CDH13: variants seen among roughly 807,000 people sequenced by gnomAD.
CDH13 encodes cadherin-13.
Under a neutral mutation model 63.8 loss-of-function variants are expected in CDH13, and 24 were observed. That is an observed-to-expected ratio of 0.38 (90% CI 0.27 to 0.53). The LOEUF (loss-of-function observed/expected upper bound fraction) is 0.53. Among genes scored for constraint, CDH13 ranks in the 20% least tolerant of loss-of-function variants. The pLI is 0.85. For missense variants in CDH13, 1,049 were observed against 903.1 expected (o/e 1.16, Z -2.07); for synonymous variants, 503 against 355.3 (o/e 1.42, Z -4.67).
intron 6 of CDH13, among the ~76,000 whole-genome samples, chr16:83,376,538 T>G (rs570995952): frequency 6.6e-6 from 1 of 152,222 alleles, no homozygotes; most frequent in South Asian, 2.1e-4. Flanking sequence ...ATGGACACAT[T>G]TTCATTAGAA....
chr16:82,773,919 GA>G (rs1231325048), intron 1 of CDH13, among the ~76,000 whole-genome samples: 1 of 151,926 alleles, frequency 6.6e-6, no homozygotes, highest in Admixed American at 6.6e-5. Flanking sequence ...AAGTAGCTGG[GA>G]TTACAGCCAC....
At chr16:83,679,893 A>T (rs566477616) in intron 10 of CDH13, among the ~76,000 whole-genome samples, 27 of 152,276 alleles carry the variant, frequency 1.8e-4, no homozygotes, top group South Asian at 8.3e-4. Flanking sequence ...ACAACTTGGG[A>T]TGCTGCCAGT....
At chr16:82,735,559 C>G (rs1295062193) in intron 1 of CDH13, among the ~76,000 whole-genome samples, 1 of 152,146 alleles carries the variant, frequency 6.6e-6, no homozygotes, top group Non-Finnish European at 1.5e-5. Flanking sequence ...TCCAATCTGA[C>G]AGAGTACTAT....
At chr16:82,716,475 C>T (rs2151014979) in intron 1 of CDH13, among the ~76,000 whole-genome samples, 1 of 151,412 alleles carries the variant, frequency 6.6e-6, no homozygotes, top group East Asian at 1.9e-4. Context: ...AAAAGAAAAT[C>T]CAGAAGGGAG....
At chr16:82,642,091 C>G (rs1283015670) in intron 1 of CDH13, among the ~76,000 whole-genome samples, 8 of 110,470 alleles carry the variant, frequency 7.2e-5, no homozygotes, top group African/African-American at 1.4e-4. Flanking sequence ...TCATGGAGGG[C>G]AAAAAAAAAA....
intron 7 of CDH13, among the ~76,000 whole-genome samples, chr16:83,526,441 T>C (rs1188493274): frequency 6.6e-6 from 1 of 152,174 alleles, no homozygotes. Context: ...GCATTAGTTC[T>C]TTAGATTCTC....
chr16:83,408,261 C>G (rs1305289866), intron 6 of CDH13, among the ~76,000 whole-genome samples: 2 of 152,192 alleles, frequency 1.3e-5, no homozygotes, highest in East Asian at 1.9e-4. Flanking sequence ...ACTGGGAACA[C>G]TGCACACACA....
chr16:83,330,558 G>A (rs2090458583), intron 5 of CDH13, among the ~76,000 whole-genome samples: 1 of 152,164 alleles, frequency 6.6e-6, no homozygotes, highest in African/African-American at 2.4e-5. Flanking sequence ...GGTCCCAAGG[G>A]ACATGGCATC....
chr16:82,743,408 T>G (rs943053897), intron 1 of CDH13, among the ~76,000 whole-genome samples: 3 of 152,086 alleles, frequency 2.0e-5, no homozygotes, highest in African/African-American at 7.2e-5. Flanking sequence ...TTGCATTTTT[T>G]TGTAGTGACA....
intron 7 of CDH13, among the ~76,000 whole-genome samples, chr16:83,512,370 A>AAAAT (rs1555564558): frequency 3.0e-5 from 4 of 133,252 alleles, no homozygotes; most frequent in African/African-American, 1.1e-4. Context: ...ATAAATAAAT[A>AAAAT]AAATAAAAAT....
intron 3 of CDH13, among the ~76,000 whole-genome samples, chr16:83,055,958 A>G (rs4783316): frequency 0.51 from 77,474 of 152,018 alleles, 21,722 homozygotes; most frequent in Middle Eastern, 0.64. Context: ...ATATGGGTCT[A>G]TTACAGGACA....
intron 5 of CDH13, among the ~76,000 whole-genome samples, chr16:83,297,733 A>G (rs2089636075): frequency 6.6e-6 from 1 of 152,206 alleles, no homozygotes; most frequent in African/African-American, 2.4e-5. Context: ...CCTGGCACAT[A>G]GATGGTTAAT....
intron 4 of CDH13, among the ~76,000 whole-genome samples, chr16:83,125,805 T>G (rs2035784550): frequency 6.6e-6 from 1 of 152,180 alleles, no homozygotes; most frequent in Non-Finnish European, 1.5e-5. Flanking sequence ...TATATTCAGG[T>G]GATCACCAGA....
At chr16:82,677,654 G>C (rs556297448) in intron 1 of CDH13, among the ~76,000 whole-genome samples, 1 of 152,152 alleles carries the variant, frequency 6.6e-6, no homozygotes, top group Non-Finnish European at 1.5e-5. Context: ...CTCTGACCCG[G>C]GTCTCCAGAC....
chr16:83,707,821 G>A (rs2150918848), intron 10 of CDH13, among the ~76,000 whole-genome samples: 1 of 79,016 alleles, frequency 1.3e-5, no homozygotes, highest in Middle Eastern at 7.9e-3. Context: ...CATCTTTGGT[G>A]AGAGACCCTA....
rs1909107611 is a variant in CDH13 at position 82,639,412 on chromosome 16, G to A, written c.45+12275G>A. The A allele has an allele frequency of 2.0e-6, 3 of 1,535,508 alleles. No homozygotes were observed. In the South Asian group the frequency reaches 3.6e-5, roughly 18 times the overall value. On this transcript the variant is annotated intron_variant, in intron 1 of 13. Coordinates refer to ENST00000567109, the MANE Select transcript of CDH13 (RefSeq NM_001257.5). ...GTTCCCCCAGCAAGAACATCCCAGT[G>A]AGAATGGCCCACAGATGCCTGGGCG...
chr16:83,783,166 G>A (rs1915645535), intron 12 of CDH13, 88 bp from the exon 13 acceptor site: 2 of 841,386 alleles, frequency 2.4e-6, no homozygotes. Flanking sequence ...TGCAATGCCT[G>A]TTTGGTGTGA....
intron 10 of CDH13, among the ~76,000 whole-genome samples, chr16:83,684,944 C>G (rs1261296131): frequency 6.6e-6 from 1 of 152,050 alleles, no homozygotes; most frequent in African/African-American, 2.4e-5. Flanking sequence ...ACAGTGGCAG[C>G]CCCACACGGC....
At chr16:82,891,146 G>A (rs758529411) in intron 2 of CDH13, among the ~76,000 whole-genome samples, 10 of 149,952 alleles carry the variant, frequency 6.7e-5, no homozygotes, top group Admixed American at 2.0e-4. Flanking sequence ...TCAGCATTAT[G>A]TAGCAATGAT....
Sources: gnomAD v4.1 joint callset for allele counts (sites outside exome capture counted in the v4.1 genomes callset) on GRCh38, gnomAD v4.1.1 for gene constraint, MANE v1.5 for transcripts, NCBI Gene and HGNC (gene_info 2026-07-23, HGNC 2026-07-21) for gene names.